HS6ST3: variants seen among roughly 807,000 people sequenced by gnomAD.
HS6ST3 encodes heparan-sulfate 6-O-sulfotransferase 3.
HS6ST3 carries 12 observed loss-of-function variants against 36.7 expected under a neutral mutation model. The ratio of observed to expected loss-of-function variants is 0.33; its 90% CI spans 0.21 to 0.53. The LOEUF (loss-of-function observed/expected upper bound fraction) is 0.53, where lower values mean the gene tolerates loss of function less well. HS6ST3 is among the 20% of genes least tolerant of loss of function. HS6ST3 has a pLI of 0.95. For missense variants in HS6ST3, 584 were observed against 640.9 expected, an observed-to-expected ratio of 0.91 and a Z score of 0.96; for synonymous variants, 240 against 257.5, an observed-to-expected ratio of 0.93 and a Z score of 0.65.
At chr13:96,284,549 A>C (rs1192358132) in intron 1 of HS6ST3, among the ~76,000 whole-genome samples, 1 of 152,164 alleles carries the variant, frequency 6.6e-6, no homozygotes, top group African/African-American at 2.4e-5. Context: ...GAAGCCGATT[A>C]GGTTGTGCCC....
At chr13:96,825,189 T>A (rs997366032) in intron 1 of HS6ST3, among the ~76,000 whole-genome samples, 2 of 152,228 alleles carry the variant, frequency 1.3e-5, no homozygotes, top group Admixed American at 6.5e-5. Context: ...ATCTATTTAA[T>A]AAACTGTTGT....
intron 1 of HS6ST3, among the ~76,000 whole-genome samples, chr13:96,315,377 T>C (rs976430558): frequency 1.1e-4 from 17 of 152,188 alleles, no homozygotes; most frequent in African/African-American, 4.1e-4. Context: ...TGTAACACAT[T>C]GTTTAAGCTG....
rs576450739 is a variant in HS6ST3 at position 96,409,945 on chromosome 13, G to T, written c.707+318376G>T. On this transcript the variant is annotated intron_variant, in intron 1 of 1. Transcript: ENST00000376705. The stretch of plus-strand genomic sequence containing the variant: ...TGAAATAAATTTTAGTGGGAAAAAA[G>T]TTATATTCCTACCCCGAGCAGTATG... 1.8e-4 allele frequency among the ~76,000 whole-genome samples: 27 copies of T among 152,224 alleles called. 1 individual carries two copies. In the South Asian group the frequency reaches 5.6e-3, roughly 32 times the overall value.
At chr13:96,520,351 TC>T (rs1326229014) in intron 1 of HS6ST3, among the ~76,000 whole-genome samples, 4 of 152,272 alleles carry the variant, frequency 2.6e-5, no homozygotes, top group South Asian at 4.1e-4. Context: ...CTGTTTTGGT[TC>T]CATATGAAGT....
At chr13:96,525,971 A>G (rs943518122) in intron 1 of HS6ST3, among the ~76,000 whole-genome samples, 2 of 152,228 alleles carry the variant, frequency 1.3e-5, no homozygotes, top group East Asian at 1.9e-4. Context: ...AGGACATTGT[A>G]TAGATACAGA....
chr13:96,468,792 T>C (rs1043639886), intron 1 of HS6ST3, among the ~76,000 whole-genome samples: 1 of 152,176 alleles, frequency 6.6e-6, no homozygotes, highest in Non-Finnish European at 1.5e-5. Context: ...TTTGGAACTT[T>C]TGGCATGAAA....
At chr13:96,350,665 T>G (rs1426330189) in intron 1 of HS6ST3, among the ~76,000 whole-genome samples, 1 of 152,244 alleles carries the variant, frequency 6.6e-6, no homozygotes, top group Non-Finnish European at 1.5e-5. Context: ...ATGATCCTTT[T>G]ACTTTACCTA....
chr13:96,827,390 G>C (rs1878671309), intron 1 of HS6ST3, among the ~76,000 whole-genome samples: 1 of 152,206 alleles, frequency 6.6e-6, no homozygotes, highest in African/African-American at 2.4e-5. Context: ...CTATGCATAT[G>C]AGATGGAATT....
intron 1 of HS6ST3, among the ~76,000 whole-genome samples, chr13:96,447,808 T>C (rs1463551888): frequency 6.6e-6 from 1 of 152,190 alleles, no homozygotes; most frequent in Non-Finnish European, 1.5e-5. Flanking sequence ...TTTCCTCTCT[T>C]GGCTTTGGAG....
intron 1 of HS6ST3, among the ~76,000 whole-genome samples, chr13:96,689,830 AC>A (rs1219675730): frequency 1.3e-5 from 2 of 151,700 alleles, no homozygotes; most frequent in African/African-American, 4.8e-5. Context: ...GGCTGCAGGC[AC>A]CTCTTTTTTA....
chr13:96,160,269 A>T (rs2054129617), intron 1 of HS6ST3, among the ~76,000 whole-genome samples: 1 of 152,228 alleles, frequency 6.6e-6, no homozygotes, highest in Non-Finnish European at 1.5e-5. Flanking sequence ...CTTTCTGAAG[A>T]GGTTGACTTA....
intron 1 of HS6ST3, among the ~76,000 whole-genome samples, chr13:96,230,020 A>G (rs887916525): frequency 1.1e-4 from 17 of 152,328 alleles, no homozygotes; most frequent in African/African-American, 4.1e-4. Context: ...CAAGAATTGC[A>G]AGTAACTCAG....
intron 1 of HS6ST3, among the ~76,000 whole-genome samples, chr13:96,670,992 A>T (rs534668671): frequency 2.2e-4 from 33 of 152,252 alleles, no homozygotes; most frequent in African/African-American, 7.7e-4. Flanking sequence ...ATGGCAGGCT[A>T]TGAATTTTAG....
At chr13:96,591,596 G>C (rs747573235) in intron 1 of HS6ST3, among the ~76,000 whole-genome samples, 3 of 151,962 alleles carry the variant, frequency 2.0e-5, no homozygotes, top group Non-Finnish European at 4.4e-5. Context: ...CAGTTTTTTA[G>C]TTAAATCTTT....
intron 1 of HS6ST3, among the ~76,000 whole-genome samples, chr13:96,469,302 C>CTT (rs35741442): frequency 6.8e-6 from 1 of 146,532 alleles, no homozygotes; most frequent in African/African-American, 2.5e-5. Flanking sequence ...CCTCCCCCAA[C>CTT]TTTTTTTTTT....
At chr13:96,304,711 C>CTTTCTTTTTTTT (rs766397124) in intron 1 of HS6ST3, among the ~76,000 whole-genome samples, 2 of 89,336 alleles carry the variant, frequency 2.2e-5, no homozygotes, top group Non-Finnish European at 4.6e-5. Flanking sequence ...TTCTTTCTTT[C>CTTTCTTTTTTTT]TTTTTTTTTT....
intron 1 of HS6ST3, among the ~76,000 whole-genome samples, chr13:96,101,386 C>G (rs948895507): frequency 6.6e-6 from 1 of 152,080 alleles, no homozygotes; most frequent in East Asian, 1.9e-4. Context: ...ATGTTTGAAA[C>G]TATCCTCATA....
intron 1 of HS6ST3, among the ~76,000 whole-genome samples, chr13:96,152,361 G>C (rs1339524857): frequency 1.8e-5 from 1 of 56,906 alleles, no homozygotes; most frequent in Non-Finnish European, 3.6e-5. Flanking sequence ...GTTTTGAGAC[G>C]GAGTCTCGCT....
intron 1 of HS6ST3, among the ~76,000 whole-genome samples, chr13:96,293,596 A>C (rs1411851039): frequency 6.6e-6 from 1 of 152,162 alleles, no homozygotes; most frequent in Non-Finnish European, 1.5e-5. Flanking sequence ...AGTGTTATTC[A>C]GAATCACTAG....
Sources: gnomAD v4.1 joint callset for allele counts (sites outside exome capture counted in the v4.1 genomes callset) on GRCh38, gnomAD v4.1.1 for gene constraint, MANE v1.5 for transcripts, NCBI Gene and HGNC (gene_info 2026-07-23, HGNC 2026-07-21) for gene names.